Variants in RPGRIP1 observed in about 807,000 individuals in gnomAD.
RPGRIP1 encodes the protein RPGR interacting protein 1, also known as X-linked retinitis pigmentosa GTPase regulator-interacting protein 1.
Under a neutral mutation model 157.9 loss-of-function variants are expected in RPGRIP1, and 128 were observed. The observed-to-expected ratio is 0.81, with a 90% CI of 0.70 to 0.94. The LOEUF (loss-of-function observed/expected upper bound fraction) is 0.94. RPGRIP1 is among the 40% of genes least tolerant of loss of function. RPGRIP1 has a pLI of 0.00. For missense variants in RPGRIP1, 1,486 were observed against 1,545.8 expected (o/e 0.96, Z 0.65); for synonymous variants, 554 against 571.6 (o/e 0.97, Z 0.44).
Position 21,301,105 on chromosome 14 carries a change from C to G in RPGRIP1, c.358C>G (p.Gln120Glu). The change falls in exon 4 of 25, where the codon CAG becomes GAG. Residue 120 changes from glutamine to glutamate, a missense_variant. Coordinates refer to ENST00000400017, the MANE Select transcript of RPGRIP1 (RefSeq NM_020366.4). ...RQRLSMHQRPQMHRLQGHFHC... is the reference protein window; with the variant it reads ...RQRLSMHQRPEMHRLQGHFHC... ...GCGCCTCTCCATGCACCAGCGCCCC[C>G]AGATGCACCGACTGCAAGGGCATTT... 2 of 1,610,964 alleles carry G rather than the reference C, an allele frequency of 1.2e-6. No individual in the cohort carries two copies. The highest frequency in any genetic ancestry group is 1.7e-6 in the Non-Finnish European group (2 of 1,178,576).
At chr14:21,324,423 T>G in intron 14 of RPGRIP1, 195 bp from the exon 15 acceptor site, 1 of 616,182 alleles carries the variant, frequency 1.6e-6, no homozygotes, top group Non-Finnish European at 2.9e-6. Flanking sequence ...AAGCTGGCAT[T>G]GGATTATTTG....
chr14:21,323,488 G>T, intron 14 of RPGRIP1, among the ~76,000 whole-genome samples: 1 of 152,012 alleles, frequency 6.6e-6, no homozygotes, highest in South Asian at 2.1e-4. Context: ...CCATGTCAGC[G>T]TGAGTCTGAT....
intron 1 of RPGRIP1, among the ~76,000 whole-genome samples, chr14:21,286,115 G>A (rs979131414): frequency 1.3e-5 from 2 of 152,020 alleles, no homozygotes; most frequent in Non-Finnish European, 2.9e-5. Flanking sequence ...TCAGCCTCCT[G>A]AGTAGCTGCG....
intron 2 of RPGRIP1, among the ~76,000 whole-genome samples, chr14:21,289,340 C>A (rs1263608201): frequency 5.3e-5 from 8 of 151,794 alleles, no homozygotes; most frequent in Admixed American, 4.6e-4. Flanking sequence ...CCCCCTCCCC[C>A]AAAAAACCAT....
intron 17 of RPGRIP1, 100 bp downstream of exon 17, chr14:21,326,273 C>G (rs1594217293): frequency 6.6e-6 from 5 of 752,072 alleles, no homozygotes; most frequent in South Asian, 2.2e-5. Context: ...AACAGTCTCT[C>G]TTAAAACCTG....
intron 22 of RPGRIP1, 41 bp downstream of exon 22, chr14:21,343,269 T>C (rs1238351436): frequency 2.0e-6 from 3 of 1,480,952 alleles, no homozygotes; most frequent in Non-Finnish European, 2.8e-6. Context: ...GGAAGTCTGA[T>C]GAACATTGAG....
chr14:21,318,443 C>T lies in RPGRIP1; in HGVS notation c.1306+593C>T, dbSNP rs1882017972. Among the ~76,000 whole-genome samples the T allele has an allele frequency of 2.6e-5, 4 of 151,140 alleles. No individual in the cohort carries two copies. The South Asian group carries it at 8.3e-4, about 31-fold the overall frequency. On this transcript the variant is annotated intron_variant, in intron 11 of 24. Coordinates refer to ENST00000400017, the MANE Select transcript of RPGRIP1 (RefSeq NM_020366.4). The stretch of plus-strand genomic sequence containing the variant: ...TTTTTAATTTATTATGTTTTTTAAA[C>T]GTTCAGTTTATTGAAAGTTTTCTTT...
At chr14:21,298,808 T>C (rs12147271) in intron 3 of RPGRIP1, among the ~76,000 whole-genome samples, 80,729 of 150,248 alleles carry the variant, frequency 0.54, 21,663 homozygotes, top group African/African-American at 0.58. Context: ...GGTGTGGTGG[T>C]GGGCGCCTGT....
intron 11 of RPGRIP1, 94 bp from the exon 12 acceptor site, chr14:21,319,923 C>T (rs2139199425): frequency 8.6e-7 from 1 of 1,157,136 alleles, no homozygotes; most frequent in East Asian, 2.6e-5. Context: ...ATTAATTAAA[C>T]CTTAGTGGGA....
At chr14:21,286,524 C>T (rs1219589000) in intron 1 of RPGRIP1, among the ~76,000 whole-genome samples, 1 of 151,546 alleles carries the variant, frequency 6.6e-6, no homozygotes, top group Non-Finnish European at 1.5e-5. Context: ...GGGCTGGCTG[C>T]GGTCTGATGC....
chr14:21,310,287 T>G (rs1881489926), intron 7 of RPGRIP1, among the ~76,000 whole-genome samples: 2 of 152,176 alleles, frequency 1.3e-5, no homozygotes, highest in Admixed American at 1.3e-4. Flanking sequence ...GTGTGCTAAG[T>G]AACAGTACCT....
rs1034274094 is a variant in RPGRIP1, at chr14:21,325,532, T to C, written c.2367+149T>C. 2.7e-5 allele frequency: 23 copies of C among 839,034 alleles called. No individual in the cohort carries two copies. In the African/African-American group the frequency reaches 3.8e-4, roughly 14 times the overall value. 52.0% of individuals were successfully genotyped at this position (839,034 alleles called of 1,614,324 possible). The stretch of plus-strand genomic sequence containing the variant: ...CCACAACTAGTCTGGATTATTCCCT[T>C]GGTCAGGCTTGAGTCTGAAATGAAA... On this transcript the variant is annotated intron_variant, in intron 16 of 24. Transcript: ENST00000400017.
At chr14:21,316,450 A>T (rs530484743) in intron 10 of RPGRIP1, among the ~76,000 whole-genome samples, 1 of 151,798 alleles carries the variant, frequency 6.6e-6, no homozygotes, top group African/African-American at 2.4e-5. Flanking sequence ...GGAATCTCAC[A>T]CTGTTACCTG....
At chr14:21,344,449 G>A (rs1417713406) in intron 22 of RPGRIP1, among the ~76,000 whole-genome samples, 1 of 152,068 alleles carries the variant, frequency 6.6e-6, no homozygotes. Flanking sequence ...GCTGCTCATG[G>A]AGAATACGAT....
intron 21 of RPGRIP1, among the ~76,000 whole-genome samples, chr14:21,341,487 G>T (rs773715967): frequency 3.9e-5 from 6 of 152,122 alleles, no homozygotes; most frequent in African/African-American, 1.4e-4. Context: ...AGAAGTAAGG[G>T]CATTGGCCTG....
chr14:21,327,945 A>C, intron 18 of RPGRIP1, 138 bp downstream of exon 18: 1 of 605,008 alleles, frequency 1.7e-6, no homozygotes, highest in East Asian at 3.1e-5. Flanking sequence ...ATGGCAGGCG[A>C]ATTACCTGAG....
At chr14:21,290,081 T>G (rs1880460937) in intron 2 of RPGRIP1, among the ~76,000 whole-genome samples, 1 of 152,080 alleles carries the variant, frequency 6.6e-6, no homozygotes, top group Non-Finnish European at 1.5e-5. Flanking sequence ...GGTCTCCAAC[T>G]CCTGGCTTCA....
chr14:21,325,654 C>T (rs1883000085), intron 16 of RPGRIP1, 177 bp from the exon 17 acceptor site: 2 of 642,480 alleles, frequency 3.1e-6, no homozygotes, highest in South Asian at 2.1e-5. Context: ...GCCAGTATCT[C>T]CCTGAAATAA....
intron 20 of RPGRIP1, among the ~76,000 whole-genome samples, chr14:21,331,578 C>A (rs8014933): frequency 0.02 from 2,971 of 151,982 alleles, 105 homozygotes; most frequent in African/African-American, 0.068. Context: ...TTTTTGGCAC[C>A]CCTTCAAATT....
Sources: gnomAD v4.1 joint callset for allele counts (sites outside exome capture counted in the v4.1 genomes callset) on GRCh38, gnomAD v4.1.1 for gene constraint, MANE v1.5 for transcripts, NCBI Gene and HGNC (gene_info 2026-07-23, HGNC 2026-07-21) for gene names.